Variants in CDIN1 observed in about 807,000 individuals in gnomAD.
CDIN1 encodes CDAN1 interacting nuclease 1, also known as CDAN1-interacting nuclease 1.
In CDIN1, 33 loss-of-function variants were observed where a neutral mutation model predicts 45.3. That is an observed-to-expected ratio of 0.73 (90% CI 0.55 to 0.97). The LOEUF (loss-of-function observed/expected upper bound fraction) is 0.97, where lower values mean the gene tolerates loss of function less well. CDIN1 is among the 50% of genes least tolerant of loss of function. The pLI is 0.00. For synonymous variants in CDIN1, 118 were observed against 124.4 expected, an observed-to-expected ratio of 0.95 and a Z score of 0.34; for missense variants, 303 against 339.4, an observed-to-expected ratio of 0.89 and a Z score of 0.84.
rs1334910266 is a variant in CDIN1, at chr15:36,617,914, A to AT, written c.102-26358dup. The AT allele has an allele frequency of 1.2e-5, 9 of 765,600 alleles. No homozygotes were observed. In the East Asian group the frequency reaches 1.2e-4, roughly 10 times the overall value. The allele number at this position is 765,600 out of a possible 1,614,324, so 47.4% of individuals were successfully genotyped here. A position where few individuals can be genotyped will look rare whatever the true frequency, so the allele number is the denominator to read the frequency against. On this transcript the variant is annotated intron_variant, in intron 1 of 10. Transcript: ENST00000566621. The stretch of plus-strand genomic sequence containing the variant: ...TGGCAAGGATAAAAGCCATCAATAC[A>AT]TTTTTTGCTAAGAATTGTTACTAAT...
In CDIN1 at chr15:36,579,872, C is replaced by T; in HGVS notation, c.12C>T (p.Thr4=). ...GTCCCTGGCCCAACATGATACTGAC[C>T]AAAGCTCAGTACGACGAGATAGCCC... MIL[T]KAQYDEIAQC... Residue 4 remains threonine (T), a synonymous_variant, in exon 1 of 11, where the codon ACC becomes ACT. Coordinates refer to ENST00000566621, the MANE Select transcript of CDIN1 (RefSeq NM_001321759.2). 1.2e-6 allele frequency: 2 copies of T among 1,613,738 alleles called. No homozygotes were observed. Among genetic ancestry groups the T allele is most frequent in the Non-Finnish European group, 1.7e-6 (2 of 1,179,778 alleles).
intron 10 of CDIN1, among the ~76,000 whole-genome samples, chr15:36,725,975 A>T (rs6495872): frequency 0.47 from 71,091 of 152,030 alleles, 16,865 homozygotes; most frequent in East Asian, 0.67. Context: ...TGCACTTTGC[A>T]AAGTGTGGAA....
At chr15:36,587,084 C>T (rs1021275790) in intron 1 of CDIN1, among the ~76,000 whole-genome samples, 1 of 152,210 alleles carries the variant, frequency 6.6e-6, no homozygotes, top group African/African-American at 2.4e-5. Flanking sequence ...GACTCAAACT[C>T]GTGATACCAT....
At position 36,606,323 on chromosome 15, in the gene CDIN1, G is replaced by A. The variant is rs1424021688; in HGVS notation, c.101+26362G>A. Among the ~76,000 whole-genome samples the A allele has an allele frequency of 3.9e-5, 6 of 152,194 alleles. No individual in the cohort carries two copies. In the East Asian group the frequency reaches 1.2e-3, roughly 29 times the overall value. ...AGAAATACACTTTTTGGCTCATAAAGATGACTGAAAGTCCGACTTCTACAT... is the reference window on the plus strand; with the variant it reads ...AGAAATACACTTTTTGGCTCATAAAAATGACTGAAAGTCCGACTTCTACAT... On this transcript the variant is annotated intron_variant, in intron 1 of 10. Coordinates refer to ENST00000566621, the MANE Select transcript of CDIN1 (RefSeq NM_001321759.2).
chr15:36,596,524 G>T (rs1300255671), intron 1 of CDIN1, among the ~76,000 whole-genome samples: 1 of 151,936 alleles, frequency 6.6e-6, no homozygotes, highest in African/African-American at 2.4e-5. Flanking sequence ...AGTAATTTTT[G>T]CCTGGTATGC....
intron 8 of CDIN1, 51 bp downstream of exon 8, chr15:36,697,441 A>G (rs1445061200): frequency 2.2e-6 from 3 of 1,391,534 alleles, no homozygotes; most frequent in East Asian, 4.7e-5. Flanking sequence ...CTGAGTGCTT[A>G]AATATATATT....
At chr15:36,773,163 G>C (rs749888897) in intron 10 of CDIN1, among the ~76,000 whole-genome samples, 67 of 152,074 alleles carry the variant, frequency 4.4e-4, no homozygotes, top group Non-Finnish European at 9.0e-4. Flanking sequence ...TAGTGATCTG[G>C]GCTCAGACAG....
At chr15:36,744,777 A>T (rs1034495744) in intron 10 of CDIN1, among the ~76,000 whole-genome samples, 3 of 152,174 alleles carry the variant, frequency 2.0e-5, no homozygotes, top group Non-Finnish European at 2.9e-5. Flanking sequence ...CTTCAACTAT[A>T]CTGCTGTTTT....
chr15:36,709,760 G>A (rs1156512211), intron 9 of CDIN1, 96 bp from the exon 10 acceptor site: 6 of 862,328 alleles, frequency 7.0e-6, no homozygotes, highest in Non-Finnish European at 1.2e-5. Context: ...CTAAGCCTGT[G>A]CTCATTAATG....
intron 7 of CDIN1, among the ~76,000 whole-genome samples, chr15:36,696,900 C>G (rs967606138): frequency 6.8e-6 from 1 of 147,346 alleles, no homozygotes; most frequent in Non-Finnish European, 1.5e-5. Context: ...TCACTTGAGC[C>G]TAGGAGTTTG....
intron 8 of CDIN1, among the ~76,000 whole-genome samples, chr15:36,697,904 TTA>T: frequency 6.6e-6 from 1 of 152,166 alleles, no homozygotes; most frequent in Admixed American, 6.5e-5. Context: ...TGTTTGTGTA[TTA>T]CAGATTATTT....
At chr15:36,633,177 C>T (rs972465720) in intron 1 of CDIN1, among the ~76,000 whole-genome samples, 5 of 151,972 alleles carry the variant, frequency 3.3e-5, no homozygotes, top group Non-Finnish European at 7.4e-5. Context: ...ATAAATGAAC[C>T]CTTTGAATAT....
intron 10 of CDIN1, among the ~76,000 whole-genome samples, chr15:36,733,550 T>C (rs1279509141): frequency 1.3e-5 from 2 of 152,050 alleles, no homozygotes; most frequent in Non-Finnish European, 2.9e-5. Flanking sequence ...ATTAAGACAA[T>C]ACAAGAAGAA....
intron 1 of CDIN1, among the ~76,000 whole-genome samples, chr15:36,614,539 A>C (rs1480900832): frequency 6.6e-6 from 1 of 152,212 alleles, no homozygotes; most frequent in East Asian, 1.9e-4. Flanking sequence ...ATTCCAAATA[A>C]TTCCACAGCC....
rs548834411 is a variant in CDIN1 at position 36,740,019 on chromosome 15, C to T, written c.716+30058C>T. On this transcript the variant is annotated intron_variant, in intron 10 of 10. Transcript: ENST00000566621. ...ATTTTGTACTGGAAAAGGGCTTGCC[C>T]GAAAGTTTCACTGAATATGGTTTGT... is the stretch of plus-strand genomic sequence containing the variant. 1.8e-4 allele frequency among the ~76,000 whole-genome samples: 27 copies of T among 152,188 alleles called. No homozygotes were observed. The South Asian group carries it at 4.8e-3, about 27-fold the overall frequency.
chr15:36,787,037 C>G (rs972885062), intron 10 of CDIN1, among the ~76,000 whole-genome samples: 20 of 152,186 alleles, frequency 1.3e-4, no homozygotes, highest in Admixed American at 1.2e-3. Context: ...CCTTACTCCT[C>G]CAACAGTCTT....
chr15:36,717,983 G>T (rs1566927056), intron 10 of CDIN1, among the ~76,000 whole-genome samples: 1 of 151,860 alleles, frequency 6.6e-6, no homozygotes, highest in East Asian at 1.9e-4. Flanking sequence ...TCTTGGAAAA[G>T]TTTCTCTTGA....
intron 1 of CDIN1, among the ~76,000 whole-genome samples, chr15:36,590,128 A>G (rs2037506272): frequency 6.6e-6 from 1 of 152,248 alleles, no homozygotes; most frequent in Non-Finnish European, 1.5e-5. Context: ...CTGAAGGGTG[A>G]TCTTTTCTAT....
intron 1 of CDIN1, among the ~76,000 whole-genome samples, chr15:36,639,538 A>C (rs901887150): frequency 6.6e-6 from 1 of 152,172 alleles, no homozygotes; most frequent in South Asian, 2.1e-4. Context: ...CAGTGAGCCG[A>C]GACTGCGCCA....
Sources: gnomAD v4.1 joint callset for allele counts (sites outside exome capture counted in the v4.1 genomes callset) on GRCh38, gnomAD v4.1.1 for gene constraint, MANE v1.5 for transcripts, NCBI Gene and HGNC (gene_info 2026-07-23, HGNC 2026-07-21) for gene names.